ADK: variants seen among roughly 807,000 people sequenced by gnomAD.
ADK encodes the protein adenosine kinase, also known as N6,N6-dimethyladenosine kinase.
In ADK, 24 loss-of-function variants were observed where a neutral mutation model predicts 44.7. The observed-to-expected ratio is 0.54, with a 90% CI of 0.39 to 0.76. The LOEUF (loss-of-function observed/expected upper bound fraction) is 0.76, where lower values mean the gene tolerates loss of function less well. Ranked by LOEUF, ADK falls within the 30% of genes least tolerant of loss-of-function variation. ADK has a pLI of 0.00. For missense variants in ADK, 321 were observed against 425.1 expected (o/e 0.76, Z 2.15); for synonymous variants, 128 against 142.6 (o/e 0.90, Z 0.73).
intron 3 of ADK, among the ~76,000 whole-genome samples, chr10:74,303,583 A>ATAT (rs1840133518): frequency 3.8e-5 from 1 of 26,468 alleles, no homozygotes; most frequent in Admixed American, 3.6e-4. Flanking sequence ...ATTGGTTTTA[A>ATAT]TGTTGTTTTT....
In ADK at chr10:74,328,914, A is replaced by C. The variant is rs1165335259; in HGVS notation, c.273+14169A>C. 3.3e-5 allele frequency among the ~76,000 whole-genome samples: 5 copies of C among 152,086 alleles called. No individual in the cohort carries two copies. The East Asian group carries it at 9.7e-4, about 29-fold the overall frequency. ...ACAATGAGACACCATCCTGAGTTCC[A>C]AGAGATCCAGGGTAGTCGTCTTGCC... is the stretch of plus-strand genomic sequence containing the variant. On this transcript the variant is annotated intron_variant, in intron 4 of 10. Transcript: ENST00000539909.
chr10:74,599,662 G>C (rs1192932621), intron 8 of ADK, among the ~76,000 whole-genome samples: 1 of 152,176 alleles, frequency 6.6e-6, no homozygotes, highest in African/African-American at 2.4e-5. Flanking sequence ...CTCAAGGTTA[G>C]GTTTCAAGAT....
chr10:74,395,350 G>T (rs1225212820), intron 5 of ADK, among the ~76,000 whole-genome samples: 1 of 151,944 alleles, frequency 6.6e-6, no homozygotes, highest in Non-Finnish European at 1.5e-5. Flanking sequence ...ATTAAGGAAT[G>T]GACTATTCTA....
intron 4 of ADK, among the ~76,000 whole-genome samples, chr10:74,367,633 A>T (rs1320470101): frequency 1.3e-5 from 2 of 152,226 alleles, no homozygotes; most frequent in East Asian, 3.8e-4. Context: ...TATTTGGAGA[A>T]GCAAAAATTT....
At chr10:74,635,763 C>T (rs1853603589) in intron 9 of ADK, among the ~76,000 whole-genome samples, 1 of 152,004 alleles carries the variant, frequency 6.6e-6, no homozygotes, top group African/African-American at 2.4e-5. Context: ...TTGTACTCTT[C>T]TCTGTATGTG....
In ADK at chr10:74,518,749, CAAAG is replaced by C. The variant is rs141991462; in HGVS notation, c.556-6503_556-6500del. On this transcript the variant is annotated intron_variant, in intron 6 of 10. Transcript: ENST00000539909. ...AACCATATTACCAAATTTTGAAAAA[CAAAG>C]AAAATATTAGAATTATCCACAATTT... Among the ~76,000 whole-genome samples the C allele has an allele frequency of 2.6e-3, 395 of 152,180 alleles. 2 individuals are homozygous for C. Among genetic ancestry groups the C allele is most frequent in the African/African-American group, 9.1e-3 (378 of 41,554 alleles).
At chr10:74,565,455 T>C (rs1301290704) in intron 7 of ADK, among the ~76,000 whole-genome samples, 1 of 152,186 alleles carries the variant, frequency 6.6e-6, no homozygotes, top group Non-Finnish European at 1.5e-5. Flanking sequence ...TAGCTGGGCA[T>C]GGTGGCTGAC....
chr10:74,300,274 CCTTCCTTCCTTCCTTCCTTCCTTCCT>C (rs1564640758), intron 3 of ADK, among the ~76,000 whole-genome samples: 71 of 47,576 alleles, frequency 1.5e-3, no homozygotes, highest in African/African-American at 3.6e-3. Flanking sequence ...TTCCTTCCTT[CCTTCCTTCCTTCCTTCCTTCCTTCCT>C]TCCTTCCTTC....
rs148884165 is a variant in ADK, at chr10:74,318,162, A to T, written c.273+3417A>T. Among the ~76,000 whole-genome samples, 366 of 152,126 alleles carry T rather than the reference A, an allele frequency of 2.4e-3. 2 individuals are homozygous for T. The highest frequency in any genetic ancestry group is 8.4e-3 in the African/African-American group (348 of 41,510). On this transcript the variant is annotated intron_variant, in intron 4 of 10. Transcript: ENST00000539909. Reference sequence around the variant, plus strand: ...ACTCAAATAATTTTATTTGTTCATTATTTATTAATTTTTTTGAGACAGAAT... The same window carrying T: ...ACTCAAATAATTTTATTTGTTCATTTTTTATTAATTTTTTTGAGACAGAAT...
At chr10:74,704,654 A>G (rs1564861451) in intron 10 of ADK, among the ~76,000 whole-genome samples, 1 of 152,344 alleles carries the variant, frequency 6.6e-6, no homozygotes, top group Admixed American at 6.5e-5. Flanking sequence ...TACTTCATTC[A>G]TCATCTAGTT....
chr10:74,292,263 G>A (rs1436922417), intron 3 of ADK, among the ~76,000 whole-genome samples: 1 of 152,120 alleles, frequency 6.6e-6, no homozygotes, highest in Non-Finnish European at 1.5e-5. Context: ...TTTTGGTTCT[G>A]TGTTAGAAGA....
rs563400932 is a variant in ADK at position 74,500,848 on chromosome 10, G to A, written c.556-24408G>A. Among the ~76,000 whole-genome samples the A allele has an allele frequency of 3.3e-5, 5 of 152,232 alleles. No homozygotes were observed. The South Asian group carries it at 1.0e-3, about 32-fold the overall frequency. ...CCTGCAGCAATCAGGATTTGCTTCA[G>A]CAATAAAGAAATTATTGATGTCTGA... On this transcript the variant is annotated intron_variant, in intron 6 of 10. Coordinates refer to ENST00000539909, the MANE Select transcript of ADK (RefSeq NM_006721.4).
intron 7 of ADK, among the ~76,000 whole-genome samples, chr10:74,526,381 T>C (rs1849043434): frequency 6.6e-6 from 1 of 152,220 alleles, no homozygotes; most frequent in African/African-American, 2.4e-5. Flanking sequence ...ATTTACTGTT[T>C]ATACCTCTTT....
At chr10:74,658,232 G>A (rs1254054437) in intron 9 of ADK, among the ~76,000 whole-genome samples, 2 of 152,154 alleles carry the variant, frequency 1.3e-5, no homozygotes, top group African/African-American at 4.8e-5. Flanking sequence ...ACCAGGCATA[G>A]TTCTGGATGC....
chr10:74,571,131 A>T (rs952968775), intron 7 of ADK, among the ~76,000 whole-genome samples: 257 of 152,314 alleles, frequency 1.7e-3, no homozygotes, highest in Middle Eastern at 0.01. Flanking sequence ...CATCCCAGGG[A>T]TGAAGCCCAC....
intron 3 of ADK, among the ~76,000 whole-genome samples, chr10:74,227,115 G>A (rs975594426): frequency 1.4e-4 from 21 of 152,134 alleles, no homozygotes; most frequent in African/African-American, 5.1e-4. Flanking sequence ...GCTAAGGAGT[G>A]TATAACAACT....
At chr10:74,572,856 G>T (rs1042134442) in intron 7 of ADK, among the ~76,000 whole-genome samples, 7 of 148,608 alleles carry the variant, frequency 4.7e-5, no homozygotes, top group African/African-American at 1.7e-4. Context: ...AGCTCCATCA[G>T]CTCCTTTAAG....
chr10:74,278,380 A>C (rs552347064), intron 3 of ADK, among the ~76,000 whole-genome samples: 109 of 151,516 alleles, frequency 7.2e-4, no homozygotes, highest in Admixed American at 1.2e-3. Context: ...AAAAAAAAAA[A>C]AAAAAACAAC....
intron 9 of ADK, among the ~76,000 whole-genome samples, chr10:74,620,455 T>G (rs896334947): frequency 1.3e-5 from 2 of 152,232 alleles, no homozygotes; most frequent in African/African-American, 4.8e-5. Context: ...ATTTCATTCT[T>G]CTTTATAGAT....
Sources: allele counts gnomAD v4.1 joint callset (sites outside exome capture counted in the v4.1 genomes callset), GRCh38; gene constraint gnomAD v4.1.1; transcripts MANE v1.5; gene names NCBI Gene and HGNC (gene_info 2026-07-23, HGNC 2026-07-21).